Variants in RARB observed in about 807,000 individuals in gnomAD.
The protein encoded by RARB is HBV-activated protein.
Under a neutral mutation model 51.9 loss-of-function variants are expected in RARB, and 17 were observed. The ratio of observed to expected loss-of-function variants is 0.33; its 90% CI spans 0.22 to 0.49. The LOEUF is 0.49. RARB is among the 20% of genes least tolerant of loss of function. RARB has a pLI of 0.99. For synonymous variants in RARB, 215 were observed against 195.4 expected (o/e 1.10, Z -0.84); for missense variants, 369 against 550.8 (o/e 0.67, Z 3.30).
intron 3 of RARB, among the ~76,000 whole-genome samples, chr3:25,503,547 A>G (rs1281185609): frequency 6.6e-6 from 1 of 152,208 alleles, no homozygotes; most frequent in Non-Finnish European, 1.5e-5. Context: ...ACCCACAGGA[A>G]AACTCCAGCA....
intron 2 of RARB, among the ~76,000 whole-genome samples, chr3:25,021,825 T>C (rs1251142092): frequency 6.6e-6 from 1 of 152,182 alleles, no homozygotes; most frequent in Admixed American, 6.5e-5. Flanking sequence ...TGGCTGGTCT[T>C]ACAAAATGAG....
At chr3:25,311,793 A>G (rs1559353281) in intron 5 of RARB, among the ~76,000 whole-genome samples, 1 of 152,216 alleles carries the variant, frequency 6.6e-6, no homozygotes, top group Non-Finnish European at 1.5e-5. Flanking sequence ...CATATGGTAC[A>G]TAGACAGTTC....
At chr3:25,081,546 CT>C (rs1199218324) in intron 3 of RARB, among the ~76,000 whole-genome samples, 2 of 125,594 alleles carry the variant, frequency 1.6e-5, no homozygotes, top group African/African-American at 5.9e-5. Context: ...GTACATGTGC[CT>C]ATTTCTCCTT....
At chr3:25,563,044 A>G (rs754531254) in intron 3 of RARB, among the ~76,000 whole-genome samples, 53 of 152,340 alleles carry the variant, frequency 3.5e-4, no homozygotes, top group Non-Finnish European at 6.5e-4. Context: ...AAACTCTCAG[A>G]ATGCTGTGTC....
At chr3:25,087,928 G>A (rs923483083) in intron 3 of RARB, among the ~76,000 whole-genome samples, 12 of 151,696 alleles carry the variant, frequency 7.9e-5, no homozygotes, top group Non-Finnish European at 1.5e-4. Context: ...TTTATGTGGG[G>A]CATGTAAACA....
intron 2 of RARB, among the ~76,000 whole-genome samples, chr3:24,931,318 G>A (rs1695435298): frequency 6.6e-6 from 1 of 151,970 alleles, no homozygotes; most frequent in Admixed American, 6.6e-5. Context: ...AAATACACAA[G>A]GCAAAGCTTA....
chr3:25,507,924 A>G (rs1201471271), intron 3 of RARB, among the ~76,000 whole-genome samples: 1 of 152,126 alleles, frequency 6.6e-6, no homozygotes, highest in African/African-American at 2.4e-5. Context: ...CAGAAACACC[A>G]TGGAAGGTAC....
chr3:24,982,659 C>T (rs969713961), intron 2 of RARB, among the ~76,000 whole-genome samples: 10 of 152,312 alleles, frequency 6.6e-5, no homozygotes, highest in African/African-American at 2.2e-4. Context: ...CTTTTCTCCT[C>T]TTTCCATAAT....
At chr3:25,195,736 A>G (rs1463604688) in intron 5 of RARB, among the ~76,000 whole-genome samples, 1 of 152,074 alleles carries the variant, frequency 6.6e-6, no homozygotes, top group Non-Finnish European at 1.5e-5. Context: ...TGAAAAGGGA[A>G]GTTAAGTCTA....
At chr3:25,345,276 AAC>A (rs532737022) in intron 5 of RARB, among the ~76,000 whole-genome samples, 12 of 152,300 alleles carry the variant, frequency 7.9e-5, no homozygotes, top group African/African-American at 2.4e-4. Context: ...AAAAAGAAGC[AAC>A]TGAGGCTGCT....
At chr3:25,219,893 G>A (rs892215130) in intron 5 of RARB, among the ~76,000 whole-genome samples, 2 of 152,116 alleles carry the variant, frequency 1.3e-5, no homozygotes, top group African/African-American at 4.8e-5. Flanking sequence ...AATAATCTAA[G>A]AGCAGAAATG....
intron 2 of RARB, among the ~76,000 whole-genome samples, chr3:25,484,143 G>A (rs922958163): frequency 2.0e-5 from 3 of 152,182 alleles, no homozygotes; most frequent in Admixed American, 6.5e-5. Flanking sequence ...TTCCAGATCT[G>A]TGCTGGCTAT....
intron 2 of RARB, among the ~76,000 whole-genome samples, chr3:24,969,843 A>G (rs372182582): frequency 2.6e-5 from 4 of 152,224 alleles, no homozygotes; most frequent in East Asian, 3.9e-4. Context: ...TCATTGTTAA[A>G]TATACTTTTA....
At chr3:25,302,096 A>G (rs1208102038) in intron 5 of RARB, among the ~76,000 whole-genome samples, 1 of 152,238 alleles carries the variant, frequency 6.6e-6, no homozygotes, top group Non-Finnish European at 1.5e-5. Flanking sequence ...TATACTCACT[A>G]CCATGACTAA....
At chr3:25,220,676 C>T (rs904966597) in intron 5 of RARB, among the ~76,000 whole-genome samples, 4 of 152,168 alleles carry the variant, frequency 2.6e-5, no homozygotes, top group African/African-American at 9.7e-5. Flanking sequence ...GCCTGCCTCC[C>T]CTTTGCCTTC....
chr3:25,297,366 G>C (rs1358957701), intron 5 of RARB, among the ~76,000 whole-genome samples: 1 of 140,844 alleles, frequency 7.1e-6, no homozygotes, highest in Non-Finnish European at 1.5e-5. Context: ...CCCTATTCCT[G>C]ATGTTGCTTG....
At chr3:25,061,859 G>A (rs886169850) in intron 3 of RARB, among the ~76,000 whole-genome samples, 1 of 151,670 alleles carries the variant, frequency 6.6e-6, no homozygotes, top group Non-Finnish European at 1.5e-5. Flanking sequence ...ACCCAACTTA[G>A]TAACACAGCA....
intron 3 of RARB, among the ~76,000 whole-genome samples, chr3:25,513,049 G>A (rs774841735): frequency 6.6e-6 from 1 of 151,568 alleles, no homozygotes; most frequent in Non-Finnish European, 1.5e-5. Flanking sequence ...CAGCACTTTG[G>A]GAGGTGGATC....
rs375244122 is a variant in RARB, at chr3:25,561,510, T to C, written c.449-8248T>C. On this transcript the variant is annotated intron_variant, in intron 3 of 7. Coordinates refer to ENST00000330688, the MANE Select transcript of RARB (RefSeq NM_000965.5). The stretch of plus-strand genomic sequence containing the variant: ...TGGGTTCACTGGGCTCTCTACTGGG[T>C]AGGCAACTCTGCTGATCTTACCTGT... 2.0e-4 allele frequency among the ~76,000 whole-genome samples: 30 copies of C among 152,000 alleles called. 1 individual carries two copies. The highest frequency in any genetic ancestry group is 7.2e-4 in the African/African-American group (30 of 41,466).
Sources: gnomAD v4.1 joint callset for allele counts (sites outside exome capture counted in the v4.1 genomes callset) on GRCh38, gnomAD v4.1.1 for gene constraint, MANE v1.5 for transcripts, NCBI Gene and HGNC (gene_info 2026-07-23, HGNC 2026-07-21) for gene names.